The following CWC22 variants were observed in gnomAD, a reference collection of about 807,000 sequenced individuals.
CWC22 encodes CWC22 spliceosome associated protein, also known as pre-mRNA-splicing factor CWC22 homolog.
A neutral mutation model predicts 117.2 loss-of-function variants in CWC22; 53 were observed. The observed-to-expected ratio is 0.45, with a 90% CI of 0.36 to 0.57. The LOEUF is 0.57. Among genes scored for constraint, CWC22 ranks in the 20% least tolerant of loss-of-function variants. The pLI, the probability that CWC22 is intolerant of heterozygous loss-of-function variation, is 0.00. For missense variants in CWC22, 980 were observed against 1,068.8 expected (o/e 0.92, Z 1.16); for synonymous variants, 360 against 355.6 (o/e 1.01, Z -0.14).
chr2:179,957,627 T>C (rs1686630132), intron 14 of CWC22, among the ~76,000 whole-genome samples: 1 of 152,216 alleles, frequency 6.6e-6, no homozygotes, highest in Non-Finnish European at 1.5e-5. Flanking sequence ...AAAGAATTTA[T>C]ATCTAACAGT....
At chr2:179,986,191 A>T (rs758726178) in intron 4 of CWC22, among the ~76,000 whole-genome samples, 1 of 152,160 alleles carries the variant, frequency 6.6e-6, no homozygotes, top group Non-Finnish European at 1.5e-5. Flanking sequence ...TGGGTAACCA[A>T]GTTCTCTAAA....
intron 1 of CWC22, among the ~76,000 whole-genome samples, chr2:179,999,935 T>A (rs1575660709): frequency 6.6e-6 from 1 of 152,244 alleles, no homozygotes; most frequent in East Asian, 1.9e-4. Flanking sequence ...GGAGGGGACA[T>A]AACGGAACGG....
chr2:179,968,501 T>A (rs1265962209), intron 11 of CWC22, among the ~76,000 whole-genome samples: 1 of 151,222 alleles, frequency 6.6e-6, no homozygotes, highest in Non-Finnish European at 1.5e-5. Context: ...TAAAATTTTA[T>A]AAAATATATA....
At chr2:180,002,500 T>G (rs1221818419) in intron 1 of CWC22, among the ~76,000 whole-genome samples, 1 of 152,126 alleles carries the variant, frequency 6.6e-6, no homozygotes, top group Non-Finnish European at 1.5e-5. Context: ...GAAAAATGCT[T>G]ACAGAGAAAA....
chr2:180,002,408 G>A (rs1376045421), intron 1 of CWC22, among the ~76,000 whole-genome samples: 1 of 152,184 alleles, frequency 6.6e-6, no homozygotes, highest in Admixed American at 6.5e-5. Flanking sequence ...AAAGCTGGGT[G>A]CAGTGGCATG....
chr2:179,983,517 T>A (rs935753916), intron 4 of CWC22, among the ~76,000 whole-genome samples: 3 of 152,194 alleles, frequency 2.0e-5, no homozygotes, highest in Non-Finnish European at 2.9e-5. Context: ...ATATCACTGA[T>A]GGGCATTTAG....
chr2:179,954,726 T>A (rs1013904708), intron 15 of CWC22, among the ~76,000 whole-genome samples: 1 of 151,956 alleles, frequency 6.6e-6, no homozygotes, highest in Admixed American at 6.6e-5. Context: ...TCATTACAAA[T>A]CATGGAAAAT....
rs1281227105 is a variant in CWC22, at chr2:180,006,922, G to A, written c.-169C>T. On this transcript the variant is annotated 5_prime_UTR_variant, in exon 1 of 20. Coordinates refer to ENST00000410053, the MANE Select transcript of CWC22 (RefSeq NM_020943.3). ...CTTGCGGGCCCGAGCGTAGCGAGAA[G>A]ACCCACGCACACTCCAATGCCGCTC... 3 of 152,474 alleles carry A rather than the reference G, an allele frequency of 2.0e-5. No homozygotes were observed. Among genetic ancestry groups the A allele is most frequent in the Middle Eastern group, 3.4e-3 (1 of 294 alleles). 9.4% of individuals were successfully genotyped at this position (152,474 alleles called of 1,614,324 possible). A position where few individuals can be genotyped will look rare whatever the true frequency, so the allele number is the denominator to read the frequency against.
intron 13 of CWC22, among the ~76,000 whole-genome samples, chr2:179,959,353 A>C (rs1686687328): frequency 6.6e-6 from 1 of 152,182 alleles, no homozygotes; most frequent in Non-Finnish European, 1.5e-5. Flanking sequence ...AATATTCAGA[A>C]GTGACAAATC....
chr2:179,973,913 A>G (rs912059067), intron 6 of CWC22, 111 bp from the exon 7 acceptor site: 4 of 514,588 alleles, frequency 7.8e-6, no homozygotes, highest in African/African-American at 6.0e-5. Context: ...CATAAAATCT[A>G]AATCAGAACT....
chr2:179,946,939 T>C (rs1015512900), intron 19 of CWC22, among the ~76,000 whole-genome samples: 13 of 152,198 alleles, frequency 8.5e-5, no homozygotes, highest in Non-Finnish European at 1.6e-4. Flanking sequence ...GAAACTCTTC[T>C]GAAAAGACCT....
chr2:180,002,661 CAAT>C (rs754147529), intron 1 of CWC22, among the ~76,000 whole-genome samples: 42 of 152,066 alleles, frequency 2.8e-4, no homozygotes, highest in Non-Finnish European at 5.6e-4. Context: ...AGTGCTACAA[CAAT>C]GTCATAAACA....
chr2:179,961,077 C>A (rs1686736665), intron 13 of CWC22, among the ~76,000 whole-genome samples: 1 of 151,928 alleles, frequency 6.6e-6, no homozygotes, highest in Non-Finnish European at 1.5e-5. Flanking sequence ...AAACACAGGG[C>A]ATCTACATTT....
At position 179,963,765 on chromosome 2, in the gene CWC22, A is replaced by G. The variant is rs111325049; in HGVS notation, c.1397+782T>C. ...AAACCTAAAGCCAAAAAATGTTCAG[A>G]CTGAAAACAGATGACTCCTACTTAT... On this transcript the variant is annotated intron_variant, in intron 13 of 19. Coordinates refer to ENST00000410053, the MANE Select transcript of CWC22 (RefSeq NM_020943.3). Among the ~76,000 whole-genome samples, 121 of 152,338 alleles carry G rather than the reference A, an allele frequency of 7.9e-4. 2 individuals carry two copies. The highest frequency in any genetic ancestry group is 3.4e-3 in the Middle Eastern group (1 of 294).
In CWC22 at chr2:179,981,939, G is replaced by C. The variant is rs759457635; in HGVS notation, c.265C>G (p.Arg89Gly). 6.4e-7 allele frequency: 1 copy of C among 1,572,216 alleles called. No homozygotes were observed. The highest frequency in any genetic ancestry group is 1.9e-5 in the Admixed American group (1 of 52,954). The change falls in exon 5 of 20, where the codon CGG becomes GGG. Residue 89 changes from arginine (R) to glycine (G), a missense_variant. By Grantham distance (125) the Arg-to-Gly change is moderately radical. This residue lies in a region of CWC22 where 559 missense variants were observed against 602.3 expected (regional missense o/e 0.93). Transcript: ENST00000410053. Reference protein sequence around the residue: ...RERDTDRKRSRKSPSPGRRNP... With the variant: ...RERDTDRKRSGKSPSPGRRNP... ...CTCCTCCCAGGAGATGGGGATTTCC[G>C]AGACCTTTTCCGATCCGTATCTCTT...
Position 179,978,190 on chromosome 2 carries a change from C to T in CWC22, c.581G>A (p.Arg194Lys). 1 of 1,520,120 alleles carries T rather than the reference C, an allele frequency of 6.6e-7. No homozygotes were observed. The highest frequency in any genetic ancestry group is 8.8e-7 in the Non-Finnish European group (1 of 1,140,454). The allele number at this position is 1,520,120 out of a possible 1,614,324, so 94.2% of individuals were successfully genotyped here. Residue 194 changes from arginine to lysine, a missense_variant and splice_region_variant, in exon 6 of 20, where the codon AGA becomes AAA. Coordinates refer to ENST00000410053, the MANE Select transcript of CWC22 (RefSeq NM_020943.3). ...ELLQENIVRGRGLLSRSVLQA... is the reference protein window; with the variant it reads ...ELLQENIVRGKGLLSRSVLQA... Reference sequence around the variant, plus strand: ...TACAAATAAAATAGCCAATACTTACCTTCCTCTAACTATATTTTCTTGAAG... The same window carrying T: ...TACAAATAAAATAGCCAATACTTACTTTCCTCTAACTATATTTTCTTGAAG...
chr2:179,990,256 A>G (rs1298784579), intron 2 of CWC22, among the ~76,000 whole-genome samples: 2 of 152,214 alleles, frequency 1.3e-5, no homozygotes, highest in African/African-American at 4.8e-5. Context: ...TGAAATAGAA[A>G]TGTTCAATAT....
intron 11 of CWC22, among the ~76,000 whole-genome samples, chr2:179,967,992 C>A (rs1686934239): frequency 6.6e-6 from 1 of 152,144 alleles, no homozygotes; most frequent in Admixed American, 6.5e-5. Context: ...AAACCTATAT[C>A]CATCTCTGTG....
At chr2:180,000,715 G>A (rs1215540542) in intron 1 of CWC22, among the ~76,000 whole-genome samples, 6 of 152,158 alleles carry the variant, frequency 3.9e-5, no homozygotes, top group Admixed American at 2.6e-4. Flanking sequence ...ATTGTTTTCT[G>A]TAAGAAGTAA....
Sources: allele counts gnomAD v4.1 joint callset (sites outside exome capture counted in the v4.1 genomes callset), GRCh38; gene constraint gnomAD v4.1.1; regional missense constraint gnomAD v4.1.1; transcripts MANE v1.5; gene names NCBI Gene and HGNC (gene_info 2026-07-23, HGNC 2026-07-21).